The following STK39 variants were observed in gnomAD, a reference collection of about 807,000 sequenced individuals.
STK39 encodes serine/threonine kinase 39.
Under a neutral mutation model 77.8 loss-of-function variants are expected in STK39, and 20 were observed. The ratio of observed to expected loss-of-function variants is 0.26; its 90% CI spans 0.18 to 0.37. The LOEUF is 0.37. STK39 is among the 10% of genes least tolerant of loss of function. STK39 has a pLI of 1.00. For synonymous variants in STK39, 246 were observed against 234.1 expected (o/e 1.05, Z -0.47); for missense variants, 479 against 656.5 (o/e 0.73, Z 2.95).
intron 10 of STK39, among the ~76,000 whole-genome samples, chr2:168,091,395 T>G (rs188997080): frequency 6.6e-6 from 1 of 152,230 alleles, no homozygotes; most frequent in Non-Finnish European, 1.5e-5. Context: ...CACAAAAATA[T>G]AAGGAGACAA....
intron 14 of STK39, among the ~76,000 whole-genome samples, chr2:168,043,450 A>C (rs1685160108): frequency 6.6e-6 from 1 of 152,222 alleles, no homozygotes; most frequent in Non-Finnish European, 1.5e-5. Flanking sequence ...GCAAACAAAC[A>C]ACCCCCAAAA....
At chr2:168,242,605 C>A in intron 1 of STK39, among the ~76,000 whole-genome samples, 6 of 134,906 alleles carry the variant, frequency 4.4e-5, no homozygotes, top group Non-Finnish European at 6.2e-5. Context: ...ATAAAGAGGC[C>A]AGGCACAGTG....
intron 14 of STK39, among the ~76,000 whole-genome samples, chr2:168,039,095 C>A (rs137976814): frequency 1.3e-5 from 2 of 151,974 alleles, no homozygotes; most frequent in African/African-American, 4.8e-5. Context: ...ATGTTCATAG[C>A]AGCATTATTC....
At chr2:168,175,671 G>C (rs189059597) in intron 2 of STK39, among the ~76,000 whole-genome samples, 1 of 151,990 alleles carries the variant, frequency 6.6e-6, no homozygotes, top group African/African-American at 2.4e-5. Context: ...TCTCCAATTC[G>C]TTAAGAATGT....
chr2:168,086,979 T>A (rs1686384651), intron 10 of STK39, among the ~76,000 whole-genome samples: 1 of 152,206 alleles, frequency 6.6e-6, no homozygotes, highest in African/African-American at 2.4e-5. Context: ...AGAATCCAAT[T>A]TTGTAACTAT....
intron 8 of STK39, among the ~76,000 whole-genome samples, chr2:168,137,240 A>G (rs1687863207): frequency 6.6e-6 from 1 of 152,248 alleles, no homozygotes; most frequent in Non-Finnish European, 1.5e-5. Context: ...GTTTTAAAAT[A>G]TAAGGATCAA....
At chr2:168,148,545 G>C (rs1327557803) in intron 5 of STK39, among the ~76,000 whole-genome samples, 1 of 152,238 alleles carries the variant, frequency 6.6e-6, no homozygotes, top group Non-Finnish European at 1.5e-5. Flanking sequence ...AGAGCAGAAA[G>C]CTCAGCAGGA....
Position 168,159,645 on chromosome 2 carries a change from GT to G in STK39, c.628+2141del, listed in dbSNP as rs1482036112. On this transcript the variant is annotated intron_variant, in intron 5 of 17. Transcript: ENST00000355999. ...TCAGAGAATATGGGAGAAATTAAATGTGAATTCTAGAAAGCGACAGTTCCAG... is the reference window on the plus strand; with the variant it reads ...TCAGAGAATATGGGAGAAATTAAATGGAATTCTAGAAAGCGACAGTTCCAG... Among the ~76,000 whole-genome samples the G allele has an allele frequency of 3.3e-5, 5 of 152,302 alleles. No individual in the cohort carries two copies. The East Asian group carries it at 9.7e-4, about 29-fold the overall frequency.
intron 1 of STK39, among the ~76,000 whole-genome samples, chr2:168,226,639 CCCA>C (rs1368770944): frequency 6.6e-6 from 1 of 151,434 alleles, no homozygotes; most frequent in Non-Finnish European, 1.5e-5. Flanking sequence ...CCTCACCCCA[CCCA>C]CCATTTTCTC....
Position 168,049,933 on chromosome 2 carries a change from A to G in STK39, c.1376+13567T>C, listed in dbSNP as rs554229346. ...GTCCGATTCTAAAGGAGGGGGCTAC[A>G]TGGGAACTACAGATTCCAGATCTCT... On this transcript the variant is annotated intron_variant, in intron 14 of 17. Coordinates refer to ENST00000355999, the MANE Select transcript of STK39 (RefSeq NM_013233.3). Among the ~76,000 whole-genome samples the G allele has an allele frequency of 9.2e-5, 14 of 152,378 alleles. No homozygotes were observed. In the East Asian group the frequency reaches 2.5e-3, roughly 27 times the overall value.
intron 1 of STK39, among the ~76,000 whole-genome samples, chr2:168,224,246 T>C (rs543316839): frequency 3.3e-5 from 5 of 152,246 alleles, no homozygotes; most frequent in South Asian, 4.1e-4. Flanking sequence ...AGCACTGTTA[T>C]GCTACAAGAT....
intron 14 of STK39, among the ~76,000 whole-genome samples, chr2:168,033,197 C>A (rs145328427): frequency 2.0e-5 from 3 of 151,520 alleles, no homozygotes; most frequent in African/African-American, 7.3e-5. Flanking sequence ...TTTCTAGGTA[C>A]GGAAGTCAGC....
chr2:168,005,266 A>C (rs1158588712), intron 16 of STK39, among the ~76,000 whole-genome samples: 1 of 152,104 alleles, frequency 6.6e-6, no homozygotes, highest in Non-Finnish European at 1.5e-5. Context: ...TCAGCCTCAC[A>C]GAGTGCTAGG....
At chr2:168,245,751 C>G (rs528162255) in intron 1 of STK39, among the ~76,000 whole-genome samples, 9 of 152,280 alleles carry the variant, frequency 5.9e-5, no homozygotes, top group African/African-American at 1.9e-4. Context: ...AAAGAGGTTT[C>G]CATGGAATAT....
chr2:168,078,025 T>C (rs2105409605), intron 10 of STK39, among the ~76,000 whole-genome samples: 2 of 152,236 alleles, frequency 1.3e-5, no homozygotes, highest in South Asian at 4.2e-4. Context: ...TTCTACTAAA[T>C]GATTTGCTCA....
At chr2:168,034,213 G>C (rs913526290) in intron 14 of STK39, among the ~76,000 whole-genome samples, 2 of 152,158 alleles carry the variant, frequency 1.3e-5, no homozygotes, top group Non-Finnish European at 2.9e-5. Flanking sequence ...ACCATGTGGA[G>C]GTGGAGACTG....
chr2:168,105,867 A>G (rs1481336550), intron 10 of STK39, among the ~76,000 whole-genome samples: 4 of 152,054 alleles, frequency 2.6e-5, no homozygotes. Flanking sequence ...CAAGATAAGA[A>G]CTCTTGTGTT....
At chr2:168,079,896 C>A (rs191398107) in intron 10 of STK39, among the ~76,000 whole-genome samples, 1 of 152,202 alleles carries the variant, frequency 6.6e-6, no homozygotes, top group African/African-American at 2.4e-5. Flanking sequence ...CCCCATTTTT[C>A]AGAGGTAAAA....
intron 5 of STK39, among the ~76,000 whole-genome samples, chr2:168,148,317 A>C (rs1011280037): frequency 1.5e-4 from 23 of 152,196 alleles, no homozygotes; most frequent in Middle Eastern, 3.4e-3. Flanking sequence ...ATGTCACCAG[A>C]CCTCTGGGCA....
Sources: gnomAD v4.1 joint callset for allele counts (sites outside exome capture counted in the v4.1 genomes callset) on GRCh38, gnomAD v4.1.1 for gene constraint, MANE v1.5 for transcripts, NCBI Gene and HGNC (gene_info 2026-07-23, HGNC 2026-07-21) for gene names.